Variants in MRTFA observed in about 807,000 individuals in gnomAD.
The protein encoded by MRTFA is myocardin related transcription factor A, also known as myocardin-related transcription factor A.
Under a neutral mutation model 83.5 loss-of-function variants are expected in MRTFA, and 20 were observed. That is an observed-to-expected ratio of 0.24 (90% CI 0.17 to 0.35). MRTFA has a LOEUF of 0.35. MRTFA is among the 10% of genes least tolerant of loss of function. The pLI is 1.00. For synonymous variants in MRTFA, 659 were observed against 541.2 expected, an observed-to-expected ratio of 1.22 and a Z score of -3.02; for missense variants, 1,200 against 1,224.7, an observed-to-expected ratio of 0.98 and a Z score of 0.30.
At chr22:40,607,079 T>C (rs1331538591) in intron 1 of MRTFA, among the ~76,000 whole-genome samples, 2 of 152,214 alleles carry the variant, frequency 1.3e-5, no homozygotes, top group Non-Finnish European at 2.9e-5. Flanking sequence ...AGAAAATTAG[T>C]TTCTTCCACT....
chr22:40,563,206 G>A (rs982421902), intron 2 of MRTFA, among the ~76,000 whole-genome samples: 20 of 151,976 alleles, frequency 1.3e-4, no homozygotes, highest in African/African-American at 4.8e-4. Flanking sequence ...GCCTAGAATT[G>A]CCTCTTCTTC....
chr22:40,533,567 A>C (rs766636413), intron 3 of MRTFA: 26 of 1,217,076 alleles, frequency 2.1e-5, no homozygotes, highest in Non-Finnish European at 2.6e-5. Flanking sequence ...GCAAGTTAGG[A>C]AATTAGGATT....
At chr22:40,633,903 A>G (rs2056666775) in intron 1 of MRTFA, among the ~76,000 whole-genome samples, 1 of 152,152 alleles carries the variant, frequency 6.6e-6, no homozygotes, top group Admixed American at 6.5e-5. Flanking sequence ...CATACTTTTA[A>G]GTCAGAGATT....
At chr22:40,498,180 C>G (rs1365349871) in intron 3 of MRTFA, among the ~76,000 whole-genome samples, 1 of 147,328 alleles carries the variant, frequency 6.8e-6, no homozygotes, top group Non-Finnish European at 1.5e-5. Context: ...ACAAATATAG[C>G]ATGCACTTAC....
At chr22:40,463,856 A>T (rs1436819982) in intron 3 of MRTFA, among the ~76,000 whole-genome samples, 1 of 152,016 alleles carries the variant, frequency 6.6e-6, no homozygotes, top group Non-Finnish European at 1.5e-5. Context: ...CTTTCTCTTC[A>T]CTTAGAGCCT....
chr22:40,495,231 ATACTT>A (rs1304856120), intron 3 of MRTFA, among the ~76,000 whole-genome samples: 2 of 151,864 alleles, frequency 1.3e-5, no homozygotes, highest in African/African-American at 4.8e-5. Context: ...AATTAAATAA[ATACTT>A]TAAAAAGTAC....
intron 1 of MRTFA, among the ~76,000 whole-genome samples, chr22:40,629,725 G>A (rs1024771421): frequency 5.9e-5 from 8 of 134,456 alleles, no homozygotes; most frequent in South Asian, 2.4e-4. Context: ...GCAGTGAGCC[G>A]AGATCCCGCC....
At chr22:40,582,478 C>T (rs2055961340) in intron 2 of MRTFA, among the ~76,000 whole-genome samples, 1 of 152,156 alleles carries the variant, frequency 6.6e-6, no homozygotes, top group Non-Finnish European at 1.5e-5. Context: ...GTTATGCTAT[C>T]TGACTTTAAC....
intron 2 of MRTFA, among the ~76,000 whole-genome samples, chr22:40,575,557 T>C (rs1307983927): frequency 5.3e-5 from 8 of 152,208 alleles, no homozygotes; most frequent in Non-Finnish European, 1.2e-4. Flanking sequence ...CTGTTCCACA[T>C]CTTTGAATCA....
In MRTFA at chr22:40,465,097, T is replaced by C. The variant is rs534453247; in HGVS notation, c.242-1811A>G. 4.6e-5 allele frequency among the ~76,000 whole-genome samples: 7 copies of C among 152,322 alleles called. No homozygotes were observed. In the East Asian group the frequency reaches 1.2e-3, roughly 25 times the overall value. On this transcript the variant is annotated intron_variant, in intron 3 of 14. Transcript: ENST00000355630. ...CACCTGGAAATGCCTACCCTGTTCA[T>C]CTGAACTTCCCCACTCACTCCACAG...
chr22:40,567,097 G>C (rs1053221937), intron 2 of MRTFA, among the ~76,000 whole-genome samples: 1 of 152,062 alleles, frequency 6.6e-6, no homozygotes, highest in African/African-American at 2.4e-5. Context: ...CTTATAAGAA[G>C]GTACTCTGAA....
At chr22:40,486,334 G>GC (rs1054824404) in intron 3 of MRTFA, among the ~76,000 whole-genome samples, 11 of 152,160 alleles carry the variant, frequency 7.2e-5, no homozygotes, top group Non-Finnish European at 1.3e-4. Flanking sequence ...ACTTTCTTTG[G>GC]CAAGAGTGTT....
At chr22:40,602,297 A>G (rs150996557) in intron 1 of MRTFA, among the ~76,000 whole-genome samples, 2 of 152,328 alleles carry the variant, frequency 1.3e-5, no homozygotes, top group African/African-American at 4.8e-5. Context: ...CAAAATCCCT[A>G]TTCAAGTCAT....
intron 4 of MRTFA, among the ~76,000 whole-genome samples, chr22:40,449,561 T>C (rs1425727126): frequency 1.3e-5 from 2 of 152,196 alleles, no homozygotes; most frequent in Non-Finnish European, 2.9e-5. Flanking sequence ...CTTTGGGTAA[T>C]GCTAAAGCCA....
intron 6 of MRTFA, 119 bp from the exon 7 acceptor site, chr22:40,429,886 G>A: frequency 9.3e-7 from 1 of 1,069,564 alleles, no homozygotes; most frequent in Non-Finnish European, 1.3e-6. Flanking sequence ...AGAACGGTAA[G>A]CATATTCCAA....
intron 7 of MRTFA, among the ~76,000 whole-genome samples, chr22:40,425,932 G>C (rs904942443): frequency 6.6e-6 from 1 of 152,216 alleles, no homozygotes; most frequent in African/African-American, 2.4e-5. Flanking sequence ...CAAAGATGGG[G>C]TCCCTGCCCT....
chr22:40,480,372 C>G (rs1331341620), intron 3 of MRTFA, among the ~76,000 whole-genome samples: 1 of 151,912 alleles, frequency 6.6e-6, no homozygotes, highest in Non-Finnish European at 1.5e-5. Flanking sequence ...CCTTGGCCTC[C>G]CAAATTCCTG....
Position 40,410,420 on chromosome 22 carries a change from A to AGAT in MRTFA, c.*967_*969dup. 1 of 234,754 alleles carries AGAT rather than the reference A, an allele frequency of 4.3e-6. No individual in the cohort carries two copies. The highest frequency in any genetic ancestry group is 1.8e-4 in the South Asian group (1 of 5,552). 14.5% of individuals were successfully genotyped at this position (234,754 alleles called of 1,614,324 possible). ...GTGAAGCCAGTGGCCCCAGGGCAGGAGATGGCCACCCCTCAGCCCCACCGC... is the reference window on the plus strand; with the variant it reads ...GTGAAGCCAGTGGCCCCAGGGCAGGAGATGATGGCCACCCCTCAGCCCCACCGC... On this transcript the variant is annotated 3_prime_UTR_variant, in exon 15 of 15. Coordinates refer to ENST00000355630, the MANE Select transcript of MRTFA (RefSeq NM_020831.6).
chr22:40,549,305 T>C (rs763621908), intron 3 of MRTFA, among the ~76,000 whole-genome samples: 18 of 152,166 alleles, frequency 1.2e-4, no homozygotes, highest in Non-Finnish European at 2.2e-4. Flanking sequence ...TAATTCATAA[T>C]AGCCCCAAAG....
Sources: allele counts gnomAD v4.1 joint callset (sites outside exome capture counted in the v4.1 genomes callset), GRCh38; gene constraint gnomAD v4.1.1; transcripts MANE v1.5; gene names NCBI Gene and HGNC (gene_info 2026-07-23, HGNC 2026-07-21).